SVOP: variants seen among roughly 807,000 people sequenced by gnomAD.
The protein encoded by SVOP is SV2 related protein.
SVOP carries 17 observed loss-of-function variants against 69.1 expected under a neutral mutation model. That is an observed-to-expected ratio of 0.25 (90% confidence interval 0.17 to 0.37). The LOEUF is 0.37. Among genes scored for constraint, SVOP ranks in the 10% least tolerant of loss-of-function variants. SVOP has a pLI of 1.00. For synonymous variants in SVOP, 238 were observed against 238.6 expected (o/e 1.00, Z 0.02); for missense variants, 435 against 597.5 (o/e 0.73, Z 2.84).
intron 1 of SVOP, among the ~76,000 whole-genome samples, chr12:108,991,297 T>C (rs2040198937): frequency 6.6e-6 from 1 of 152,138 alleles, no homozygotes; most frequent in Non-Finnish European, 1.5e-5. Flanking sequence ...AACACTGTTT[T>C]ATTCAAAATA....
intron 8 of SVOP, 66 bp from the exon 9 acceptor site, chr12:108,939,021 G>C (rs2039873308): frequency 3.1e-6 from 5 of 1,608,712 alleles, no homozygotes; most frequent in Non-Finnish European, 4.2e-6. Context: ...CTCGCTTCTA[G>C]CCACACAGTG....
intron 1 of SVOP, among the ~76,000 whole-genome samples, chr12:109,010,127 C>CAAA (rs11311870): frequency 1.7e-5 from 2 of 119,066 alleles, no homozygotes; most frequent in Non-Finnish European, 3.5e-5. Flanking sequence ...CTCTCTCTCT[C>CAAA]AAAAAAAAAA....
intron 7 of SVOP, among the ~76,000 whole-genome samples, chr12:108,944,424 T>C (rs1378224009): frequency 3.3e-5 from 5 of 152,184 alleles, no homozygotes; most frequent in Non-Finnish European, 2.9e-5. Flanking sequence ...GTGGGATCAA[T>C]GCGATTAACA....
chr12:108,916,134 C>A (rs1328201850), intron 14 of SVOP, among the ~76,000 whole-genome samples: 2 of 152,186 alleles, frequency 1.3e-5, no homozygotes, highest in African/African-American at 4.8e-5. Flanking sequence ...CCCAAAGACT[C>A]CTCCACCAGG....
intron 6 of SVOP, among the ~76,000 whole-genome samples, chr12:108,953,837 C>A (rs1347255091): frequency 6.6e-6 from 1 of 151,990 alleles, no homozygotes; most frequent in Non-Finnish European, 1.5e-5. Flanking sequence ...TTAGGCTGGG[C>A]GTGGTGGCTG....
chr12:109,018,854 G>A (rs57060138), intron 1 of SVOP, among the ~76,000 whole-genome samples: 145,002 of 152,298 alleles, frequency 0.95, 69,601 homozygotes, highest in Non-Finnish European at 1. Context: ...GTGTCTGCCC[G>A]GCATTTGGCA....
intron 2 of SVOP, among the ~76,000 whole-genome samples, chr12:108,981,361 A>G (rs2040134359): frequency 6.6e-6 from 1 of 152,276 alleles, no homozygotes; most frequent in African/African-American, 2.4e-5. Context: ...GCTTCCCTCC[A>G]TCCCCTGTCA....
At chr12:109,010,970 A>G (rs991243222) in intron 1 of SVOP, among the ~76,000 whole-genome samples, 9 of 151,768 alleles carry the variant, frequency 5.9e-5, no homozygotes, top group Non-Finnish European at 1.2e-4. Flanking sequence ...CTGGAGTGCA[A>G]GTGGCGTGAT....
At chr12:108,954,644 A>G (rs1275965354) in intron 6 of SVOP, among the ~76,000 whole-genome samples, 1 of 152,200 alleles carries the variant, frequency 6.6e-6, no homozygotes, top group Non-Finnish European at 1.5e-5. Flanking sequence ...CCACCCTTGC[A>G]ATCGCATCTG....
intron 6 of SVOP, among the ~76,000 whole-genome samples, chr12:108,945,420 A>C (rs897621564): frequency 6.6e-6 from 1 of 151,974 alleles, no homozygotes; most frequent in African/African-American, 2.4e-5. Flanking sequence ...TTATTTATTT[A>C]TGAGTCTCAG....
At position 108,993,454 on chromosome 12, in the gene SVOP, A is replaced by C. The variant is rs1290230346; in HGVS notation, c.36-9693T>G. Among the ~76,000 whole-genome samples the C allele has an allele frequency of 2.0e-5, 3 of 152,190 alleles. No homozygotes were observed. The East Asian group carries it at 5.8e-4, about 29-fold the overall frequency. Reference sequence around the variant, plus strand: ...ATGTTACTGAAATCCCTTATCCAACAAATATCGAAAGAGCACCTGCTTTGT... The same window carrying C: ...ATGTTACTGAAATCCCTTATCCAACCAATATCGAAAGAGCACCTGCTTTGT... On this transcript the variant is annotated intron_variant, in intron 1 of 15. Coordinates refer to ENST00000610966, the MANE Select transcript of SVOP (RefSeq NM_018711.5).
At chr12:108,912,839 T>C in intron 15 of SVOP, 98 bp from the exon 16 acceptor site, 3 of 1,228,302 alleles carry the variant, frequency 2.4e-6, no homozygotes, top group Non-Finnish European at 3.4e-6. Flanking sequence ...CCTCTCGTGA[T>C]ATCTGCTTGC....
chr12:108,960,589 C>T (rs1004922203), intron 6 of SVOP, among the ~76,000 whole-genome samples: 1 of 152,164 alleles, frequency 6.6e-6, no homozygotes, highest in African/African-American at 2.4e-5. Context: ...GTTTCCCCAA[C>T]TGTAAAACGC....
intron 1 of SVOP, among the ~76,000 whole-genome samples, chr12:108,995,373 T>G (rs1010552171): frequency 6.6e-6 from 1 of 152,158 alleles, no homozygotes; most frequent in Non-Finnish European, 1.5e-5. Context: ...GAAGATATTA[T>G]GCGGAGTGAA....
At chr12:108,996,086 G>A (rs188531249) in intron 1 of SVOP, among the ~76,000 whole-genome samples, 4 of 152,172 alleles carry the variant, frequency 2.6e-5, no homozygotes, top group African/African-American at 7.2e-5. Flanking sequence ...CTATAAAATG[G>A]GCTGGGCACA....
chr12:108,920,556 A>G (rs1242687393), intron 12 of SVOP, among the ~76,000 whole-genome samples: 1 of 151,924 alleles, frequency 6.6e-6, no homozygotes, highest in Non-Finnish European at 1.5e-5. Context: ...GCTTATTAGT[A>G]ATAATAATAA....
At chr12:109,011,526 C>A (rs1012826172) in intron 1 of SVOP, among the ~76,000 whole-genome samples, 6 of 152,168 alleles carry the variant, frequency 3.9e-5, no homozygotes, top group Admixed American at 2.6e-4. Context: ...CTCACGTGTG[C>A]CTTTGCCACC....
chr12:108,916,336 C>G (rs1286039253), intron 14 of SVOP, among the ~76,000 whole-genome samples: 1 of 152,232 alleles, frequency 6.6e-6, no homozygotes, highest in Non-Finnish European at 1.5e-5. Flanking sequence ...TGTGCATCTT[C>G]CAGCCCAAGG....
chr12:108,912,334 C>A lies in SVOP; in HGVS notation c.*201G>T. 6.9e-7 allele frequency: 1 copy of A among 1,439,744 alleles called. No individual in the cohort carries two copies. 89.2% of individuals were successfully genotyped at this position (1,439,744 alleles called of 1,614,324 possible). A position where few individuals can be genotyped will look rare whatever the true frequency, so the allele number is the denominator to read the frequency against. ...GCTTTCACCACATATACAGAGAACC[C>A]CCTAGAGCAAACATCTCCCCATCCC... is the stretch of plus-strand genomic sequence containing the variant. On this transcript the variant is annotated 3_prime_UTR_variant, in exon 16 of 16. Coordinates refer to ENST00000610966, the MANE Select transcript of SVOP (RefSeq NM_018711.5).
Sources: gnomAD v4.1 joint callset for allele counts (sites outside exome capture counted in the v4.1 genomes callset) on GRCh38, gnomAD v4.1.1 for gene constraint, MANE v1.5 for transcripts, NCBI Gene and HGNC (gene_info 2026-07-23, HGNC 2026-07-21) for gene names.